Variants in ZNF582 observed in about 807,000 individuals in gnomAD.
The protein encoded by ZNF582 is zinc finger protein 582.
ZNF582 carries 14 observed loss-of-function variants against 12.3 expected under a neutral mutation model. That is an observed-to-expected ratio of 1.14 (90% CI 0.75 to 1.78). ZNF582 has a LOEUF of 1.78. Ranked by LOEUF, ZNF582 falls within the 40% of genes most tolerant of loss-of-function variation. ZNF582 has a pLI of 0.00. For missense variants in ZNF582, 567 were observed against 616.5 expected (o/e 0.92, Z 0.85); for synonymous variants, 210 against 207.2 (o/e 1.01, Z -0.11).
Position 56,390,365 on chromosome 19 carries a change from A to T in ZNF582, c.136+10T>A. 6 of 1,614,112 alleles carry T rather than the reference A, an allele frequency of 3.7e-6. No homozygotes were observed. Among genetic ancestry groups the T allele is most frequent in the Non-Finnish European group, 5.1e-6 (6 of 1,180,026 alleles). ...GATAACCTCCAAACTAACAGACGAGATCACCTTACCCAGTGAGACCAGGTT... is the reference window on the plus strand; with the variant it reads ...GATAACCTCCAAACTAACAGACGAGTTCACCTTACCCAGTGAGACCAGGTT... On this transcript the variant is annotated intron_variant, in intron 3 of 4. Transcript: ENST00000586929.
At chr19:56,389,157 T>C (rs2041995176) in intron 4 of ZNF582, among the ~76,000 whole-genome samples, 1 of 152,234 alleles carries the variant, frequency 6.6e-6, no homozygotes, top group African/African-American at 2.4e-5. Flanking sequence ...TATTAGCTCA[T>C]GTCCAGTGTG....
In ZNF582 at chr19:56,384,266, T is replaced by TGCTTGAGCTC; in HGVS notation, c.1150_1151insGAGCTCAAGC (p.Gln384ArgfsTer18). On this transcript the variant is annotated frameshift_variant, in exon 5 of 5. Coordinates refer to ENST00000586929, the Ensembl canonical transcript of ZNF582. LOFTEE classifies it low-confidence loss of function (END_TRUNC). ...CTCTCCAGTGTGAATTCTCTGATGTTGCTTGAGTTGTGAGCTCACTCTAAA... is the reference window on the plus strand; with the variant it reads ...CTCTCCAGTGTGAATTCTCTGATGTTGCTTGAGCTCGCTTGAGTTGTGAGCTCACTCTAAA... 1 of 1,614,088 alleles carries TGCTTGAGCTC rather than the reference T, an allele frequency of 6.2e-7. No homozygotes were observed. The highest frequency in any genetic ancestry group is 8.5e-7 in the Non-Finnish European group (1 of 1,180,016).
exon 5 of ZNF582, chr19:56,384,331 G>A (rs144900900): frequency 2.4e-5 from 39 of 1,608,172 alleles, no homozygotes; most frequent in African/African-American, 6.8e-5. Flanking sequence ...GTTTCTCACC[G>A]GTATGAATTC....
intron 1 of ZNF582, among the ~76,000 whole-genome samples, chr19:56,392,811 T>A (rs1235898285): frequency 1.3e-5 from 2 of 152,236 alleles, no homozygotes; most frequent in African/African-American, 4.8e-5. Flanking sequence ...AAGTACTCTG[T>A]AAAGGAGTAT....
chr19:56,393,382 G>A (rs1315999157), exon 1 of ZNF582: 12 of 731,956 alleles, frequency 1.6e-5, no homozygotes, highest in Non-Finnish European at 2.3e-5. Context: ...AGACCCAACC[G>A]GCCCGGGCAC....
intron 4 of ZNF582, among the ~76,000 whole-genome samples, chr19:56,385,621 G>A (rs1470176877): frequency 1.3e-5 from 2 of 151,054 alleles, no homozygotes; most frequent in Non-Finnish European, 2.9e-5. Flanking sequence ...AGGCTGTAGA[G>A]AGCTATGATC....
chr19:56,393,491 C>A (rs972965540), exon 1 of ZNF582: 1 of 510,232 alleles, frequency 2.0e-6, no homozygotes, highest in Non-Finnish European at 3.9e-6. Flanking sequence ...CCCCGGCAGC[C>A]CAGGGCGCGC....
At chr19:56,387,083 C>A (rs1254786700) in intron 4 of ZNF582, among the ~76,000 whole-genome samples, 1 of 152,128 alleles carries the variant, frequency 6.6e-6, no homozygotes, top group Non-Finnish European at 1.5e-5. Flanking sequence ...AAAATGTGCA[C>A]AATTAAACTC....
At position 56,391,745 on chromosome 19, in the gene ZNF582, A is replaced by AAAACTCACAAATATTTAT; in HGVS notation, c.7_8insATAAATATTTGTGAGTTT (p.Leu3delinsHisLysTyrLeuTer). 1.2e-6 allele frequency: 2 copies of AAAACTCACAAATATTTAT among 1,613,344 alleles called. No individual in the cohort carries two copies. The highest frequency in any genetic ancestry group is 2.2e-5 in the South Asian group (2 of 91,052). On this transcript the variant is annotated stop_gained and protein_altering_variant and splice_region_variant, in exon 2 of 5. Coordinates refer to ENST00000586929, the Ensembl canonical transcript of ZNF582. LOFTEE classifies it high-confidence loss of function. ...TATTTATGGGATTTAAAAACTCACA[A>AAAACTCACAAATATTTAT]GGGACATGACTTTTAGAATTTCAAG...
exon 5 of ZNF582, chr19:56,384,606 T>C (rs751332251): frequency 1.2e-6 from 2 of 1,614,182 alleles, no homozygotes; most frequent in Non-Finnish European, 1.7e-6. Context: ...TGATGTTCAA[T>C]CAACTGTGAG....
At chr19:56,391,830 G>C in exon 2 of ZNF582, 1 of 1,613,812 alleles carries the variant, frequency 6.2e-7, no homozygotes, top group Non-Finnish European at 8.5e-7. Flanking sequence ...TGCGACGGTA[G>C]AGCTGGGGGA....
At chr19:56,390,435 C>T in exon 3 of ZNF582, 1 of 1,614,164 alleles carries the variant, frequency 6.2e-7, no homozygotes, top group Non-Finnish European at 8.5e-7. Flanking sequence ...TCCCTCTGAG[C>T]AGGTGCCAAC....
chr19:56,389,003 G>T (rs1214528796), intron 4 of ZNF582, among the ~76,000 whole-genome samples: 1 of 152,170 alleles, frequency 6.6e-6, no homozygotes, highest in Non-Finnish European at 1.5e-5. Flanking sequence ...AGGGCTCCCT[G>T]CTCAGGTCCT....
chr19:56,382,964 C>T (rs942070500), exon 5 of ZNF582: 2 of 152,160 alleles, frequency 1.3e-5, no homozygotes, highest in African/African-American at 2.4e-5. Flanking sequence ...AGGAGGAAGT[C>T]TTCATGATAA....
rs538688084 is a variant in ZNF582 at position 56,390,258 on chromosome 19, G to A, written c.136+117C>T. 139 of 1,505,450 alleles carry A rather than the reference G, an allele frequency of 9.2e-5. No homozygotes were observed. In the African/African-American group the frequency reaches 1.4e-3, roughly 15 times the overall value. The allele number at this position is 1,505,450 out of a possible 1,614,324, so 93.3% of individuals were successfully genotyped here. ...GGATGCAGCTTCAGCCGACAGCGCCGCCCTTTAACCCCTCAAAAATGACCA... is the reference window on the plus strand; with the variant it reads ...GGATGCAGCTTCAGCCGACAGCGCCACCCTTTAACCCCTCAAAAATGACCA... On this transcript the variant is annotated intron_variant, in intron 3 of 4. Coordinates refer to ENST00000586929, the Ensembl canonical transcript of ZNF582.
intron 4 of ZNF582, chr19:56,386,485 T>C (rs904626248): frequency 2.0e-5 from 3 of 152,380 alleles, no homozygotes; most frequent in Non-Finnish European, 4.4e-5. Context: ...TTTCCTTGTT[T>C]AGAGGATTAG....
exon 5 of ZNF582, chr19:56,383,842 T>C (rs1207483306): frequency 6.6e-7 from 1 of 1,522,866 alleles, no homozygotes; most frequent in Non-Finnish European, 8.8e-7. Flanking sequence ...GAGGGAGAAG[T>C]AAGTCACAGT....
chr19:56,383,138 G>A (rs776270988), exon 5 of ZNF582: 4 of 152,172 alleles, frequency 2.6e-5, no homozygotes, highest in Non-Finnish European at 5.9e-5. Flanking sequence ...CAATAACAAG[G>A]GGAATTGGGT....
At chr19:56,384,156 T>G (rs2041942162) in exon 5 of ZNF582, 1 of 1,612,524 alleles carries the variant, frequency 6.2e-7, no homozygotes, top group African/African-American at 1.3e-5. Context: ...TCATATGGCT[T>G]TTCACCTGTA....
Sources: allele counts gnomAD v4.1 joint callset (sites outside exome capture counted in the v4.1 genomes callset), GRCh38; gene constraint gnomAD v4.1.1; transcripts MANE v1.5; gene names NCBI Gene and HGNC (gene_info 2026-07-23, HGNC 2026-07-21).